The following ATP6V0E1 variants were observed in gnomAD, a reference collection of about 807,000 sequenced individuals.
The protein encoded by ATP6V0E1 is ATPase H+ transporting V0 subunit e1.
In ATP6V0E1, 4 loss-of-function variants were observed where a neutral mutation model predicts 11.6. The observed-to-expected ratio is 0.35, with a 90% CI of 0.17 to 0.79. The LOEUF is 0.79. Ranked by LOEUF, ATP6V0E1 falls within the 30% of genes least tolerant of loss-of-function variation. ATP6V0E1 has a pLI of 0.54. For synonymous variants in ATP6V0E1, 36 were observed against 34.8 expected, an observed-to-expected ratio of 1.04 and a Z score of -0.13; for missense variants, 105 against 100.0, an observed-to-expected ratio of 1.05 and a Z score of -0.21.
chr5:172,985,254 A>G (rs1410538241), intron 1 of ATP6V0E1, among the ~76,000 whole-genome samples: 1 of 152,026 alleles, frequency 6.6e-6, no homozygotes, highest in Non-Finnish European at 1.5e-5. Context: ...CAAAAAAAAA[A>G]AAAAAAAAGA....
chr5:173,002,769 C>T (rs926167765), intron 2 of ATP6V0E1, among the ~76,000 whole-genome samples: 1 of 152,190 alleles, frequency 6.6e-6, no homozygotes, highest in African/African-American at 2.4e-5. Context: ...AGGAGAATTG[C>T]TTGAGGCCAG....
intron 3 of ATP6V0E1, among the ~76,000 whole-genome samples, chr5:173,025,679 A>G (rs1487860227): frequency 6.7e-6 from 1 of 149,240 alleles, no homozygotes; most frequent in African/African-American, 2.5e-5. Flanking sequence ...TATTTTTGGT[A>G]GAGACTCAGG....
At chr5:173,030,516 C>G (rs1216295047) in intron 3 of ATP6V0E1, among the ~76,000 whole-genome samples, 2 of 148,488 alleles carry the variant, frequency 1.3e-5, no homozygotes, top group African/African-American at 5.0e-5. Context: ...TCTTGGCTTA[C>G]TGCAAACTCC....
chr5:172,992,190 A>G (rs939359900), intron 1 of ATP6V0E1, among the ~76,000 whole-genome samples: 3 of 152,082 alleles, frequency 2.0e-5, no homozygotes, highest in Non-Finnish European at 4.4e-5. Context: ...AGCTGGGACT[A>G]CAGGCGCCCG....
chr5:172,990,394 G>A (rs1157599151), intron 1 of ATP6V0E1, among the ~76,000 whole-genome samples: 1 of 152,130 alleles, frequency 6.6e-6, no homozygotes, highest in African/African-American at 2.4e-5. Context: ...TCTCACAGTG[G>A]CTTCCTAACC....
chr5:172,992,696 G>A (rs1273626203), intron 1 of ATP6V0E1, among the ~76,000 whole-genome samples: 3 of 152,044 alleles, frequency 2.0e-5, no homozygotes, highest in Admixed American at 2.0e-4. Context: ...TGACCATCTG[G>A]CATATATAGG....
At chr5:172,995,829 G>A (rs1219579365) in intron 2 of ATP6V0E1, among the ~76,000 whole-genome samples, 1 of 152,034 alleles carries the variant, frequency 6.6e-6, no homozygotes, top group Non-Finnish European at 1.5e-5. Flanking sequence ...ACCCAGGCTG[G>A]TCTTGAACTC....
At chr5:173,009,268 C>T (rs532370010) in intron 2 of ATP6V0E1, among the ~76,000 whole-genome samples, 2 of 151,894 alleles carry the variant, frequency 1.3e-5, no homozygotes, top group Admixed American at 1.3e-4. Flanking sequence ...TAAAAGAACT[C>T]GCCTGAAGCC....
chr5:173,034,431 A>C lies in ATP6V0E1; in HGVS notation c.*69A>C. On this transcript the variant is annotated 3_prime_UTR_variant, in exon 4 of 4. Coordinates refer to ENST00000519374, the MANE Select transcript of ATP6V0E1 (RefSeq NM_003945.4). Reference sequence around the variant, plus strand: ...GAAGAGAATGCCTTCTAGATGCAAAATCACCTCCAAACCAGACCACTTTTC... The same window carrying C: ...GAAGAGAATGCCTTCTAGATGCAAACTCACCTCCAAACCAGACCACTTTTC... 1 of 702,992 alleles carries C rather than the reference A, an allele frequency of 1.4e-6. No individual in the cohort carries two copies. The highest frequency in any genetic ancestry group is 2.7e-5 in the East Asian group (1 of 37,292). The allele number at this position is 702,992 out of a possible 1,614,324, so 43.5% of individuals were successfully genotyped here.
Position 172,983,851 on chromosome 5 carries a change from G to A in ATP6V0E1, c.-10G>A. The A allele has an allele frequency of 6.2e-7, 1 of 1,613,514 alleles. No homozygotes were observed. Among genetic ancestry groups the A allele is most frequent in the Non-Finnish European group, 8.5e-7 (1 of 1,179,640 alleles). ...GCGACGGGGTAGGGGTTGGCGCTCA[G>A]GCGGCGACCATGGCGTATCACGGCC... On this transcript the variant is annotated 5_prime_UTR_variant, in exon 1 of 4. Transcript: ENST00000519374.
rs999790390 is a variant in ATP6V0E1, at chr5:172,998,190, CTTTTTTT to C, written c.152+3383_152+3389del. On this transcript the variant is annotated intron_variant, in intron 2 of 3. Coordinates refer to ENST00000519374, the MANE Select transcript of ATP6V0E1 (RefSeq NM_003945.4). ...CAGCTGATGAAACTTAAAATTTAGT[CTTTTTTT>C]TTTTTTTTTTTTTTGGTTAGAGTGT... 8.6e-3 allele frequency among the ~76,000 whole-genome samples: 904 copies of C among 104,892 alleles called. 7 individuals carry two copies. The highest frequency in any genetic ancestry group is 0.044 in the South Asian group (139 of 3,136). 68.8% of individuals were successfully genotyped at this position (104,892 alleles called of 152,430 possible).
intron 1 of ATP6V0E1, among the ~76,000 whole-genome samples, chr5:172,993,954 C>T (rs1756026333): frequency 6.6e-6 from 1 of 151,992 alleles, no homozygotes; most frequent in Admixed American, 6.6e-5. Flanking sequence ...CTCTTGGAAA[C>T]CAAATGATGG....
At chr5:173,012,301 T>C (rs915067051) in intron 2 of ATP6V0E1, among the ~76,000 whole-genome samples, 8 of 151,670 alleles carry the variant, frequency 5.3e-5, no homozygotes, top group African/African-American at 1.9e-4. Context: ...GGAGTTTTCT[T>C]GAACTGTGGT....
chr5:172,994,838 T>G lies in ATP6V0E1; in HGVS notation c.152+16T>G. The G allele has an allele frequency of 6.3e-7, 1 of 1,588,198 alleles. No homozygotes were observed. On this transcript the variant is annotated intron_variant, in intron 2 of 3. Coordinates refer to ENST00000519374, the MANE Select transcript of ATP6V0E1 (RefSeq NM_003945.4). ...GCTATCTCTTGTAAGTAATTTTTTC[T>G]TAAGTAATTATTCTTGGTATTTGTA...
chr5:173,032,594 A>G (rs1307878893), intron 3 of ATP6V0E1, among the ~76,000 whole-genome samples: 2 of 152,046 alleles, frequency 1.3e-5, no homozygotes, highest in Admixed American at 6.6e-5. Flanking sequence ...CCCGGCCTAC[A>G]TTTATTTTAA....
intron 2 of ATP6V0E1, among the ~76,000 whole-genome samples, chr5:173,001,615 G>A (rs1364829973): frequency 6.6e-6 from 1 of 152,116 alleles, no homozygotes; most frequent in African/African-American, 2.4e-5. Context: ...ACCACACGTG[G>A]TGGCTCACGC....
rs578112681 is a variant in ATP6V0E1, at chr5:173,034,947, A to G, written c.*585A>G. On this transcript the variant is annotated 3_prime_UTR_variant, in exon 4 of 4. Coordinates refer to ENST00000519374, the MANE Select transcript of ATP6V0E1 (RefSeq NM_003945.4). ...TTATAAGCTTTTCTATCGCTACATA[A>G]TGCCTTTTTAAAAAATGATTTTGTA... is the stretch of plus-strand genomic sequence containing the variant. 1 of 153,794 alleles carries G rather than the reference A, an allele frequency of 6.5e-6. No homozygotes were observed. The highest frequency in any genetic ancestry group is 2.0e-4 in the South Asian group (1 of 4,948). 9.5% of individuals were successfully genotyped at this position (153,794 alleles called of 1,614,324 possible). A position where few individuals can be genotyped will look rare whatever the true frequency, so the allele number is the denominator to read the frequency against.
At chr5:173,014,985 C>CT (rs1277449990) in intron 2 of ATP6V0E1, among the ~76,000 whole-genome samples, 3 of 152,130 alleles carry the variant, frequency 2.0e-5, no homozygotes, top group Non-Finnish European at 4.4e-5. Context: ...GGTCTTCATT[C>CT]TTTCTTCTGG....
At chr5:173,032,255 T>TG (rs1248764053) in intron 3 of ATP6V0E1, among the ~76,000 whole-genome samples, 9 of 108,794 alleles carry the variant, frequency 8.3e-5, no homozygotes, top group Admixed American at 7.7e-4. Context: ...TTTATTTTAT[T>TG]TATTTATTTA....
Sources: gnomAD v4.1 joint callset for allele counts (sites outside exome capture counted in the v4.1 genomes callset) on GRCh38, gnomAD v4.1.1 for gene constraint, MANE v1.5 for transcripts, NCBI Gene and HGNC (gene_info 2026-07-23, HGNC 2026-07-21) for gene names.